The following GNAI1 variants were observed in gnomAD, a reference collection of about 807,000 sequenced individuals.
The protein encoded by GNAI1 is G protein subunit alpha i1.
GNAI1 carries 11 observed loss-of-function variants against 38.9 expected under a neutral mutation model. The observed-to-expected ratio is 0.28, with a 90% CI of 0.18 to 0.47. GNAI1 has a LOEUF of 0.47. Ranked by LOEUF, GNAI1 falls within the 20% of genes least tolerant of loss-of-function variation. The pLI, the probability that GNAI1 is intolerant of heterozygous loss-of-function variation, is 0.99. For missense variants in GNAI1, 317 were observed against 436.9 expected (o/e 0.73, Z 2.45); for synonymous variants, 166 against 145.1 (o/e 1.14, Z -1.04).
intron 3 of GNAI1, among the ~76,000 whole-genome samples, chr7:80,192,164 GTT>G: frequency 1.3e-5 from 2 of 152,084 alleles, no homozygotes; most frequent in Non-Finnish European, 2.9e-5. Context: ...TTACAGAACT[GTT>G]AAGATTTTTA....
intron 3 of GNAI1, among the ~76,000 whole-genome samples, chr7:80,191,263 C>T (rs575804749): frequency 2.1e-4 from 32 of 151,898 alleles, no homozygotes; most frequent in Non-Finnish European, 2.2e-4. Flanking sequence ...AATACAAAGA[C>T]GAATTAAACG....
At chr7:80,160,024 A>G (rs542750648) in intron 1 of GNAI1, among the ~76,000 whole-genome samples, 1 of 152,266 alleles carries the variant, frequency 6.6e-6, no homozygotes, top group East Asian at 1.9e-4. Flanking sequence ...TCAGTAAATA[A>G]AGGAATCCCT....
intron 1 of GNAI1, among the ~76,000 whole-genome samples, chr7:80,166,502 G>C (rs1161742807): frequency 6.6e-6 from 1 of 152,120 alleles, no homozygotes; most frequent in East Asian, 1.9e-4. Context: ...TCCTTTGCTT[G>C]AATATAAATG....
At chr7:80,208,443 A>G (rs987749045) in intron 5 of GNAI1, among the ~76,000 whole-genome samples, 3 of 152,144 alleles carry the variant, frequency 2.0e-5, no homozygotes, top group East Asian at 1.9e-4. Flanking sequence ...CTGAATTCCA[A>G]CAAACTTAAG....
chr7:80,202,415 C>T (rs577498188), intron 4 of GNAI1, among the ~76,000 whole-genome samples: 6 of 152,122 alleles, frequency 3.9e-5, no homozygotes, highest in African/African-American at 1.4e-4. Flanking sequence ...GCAAAGAAAT[C>T]TGTGAGTAAT....
chr7:80,217,498 T>C lies in GNAI1; in HGVS notation c.*5T>C. 6.4e-7 allele frequency: 1 copy of C among 1,565,854 alleles called. No individual in the cohort carries two copies. Among genetic ancestry groups the C allele is most frequent in the African/African-American group, 1.4e-5 (1 of 73,166 alleles). The stretch of plus-strand genomic sequence containing the variant: ...AAAGATTGTGGTCTCTTTTAAGTTT[T>C]GCAGTTCATGGTAAAATGCATTTTC... On this transcript the variant is annotated 3_prime_UTR_variant, in exon 8 of 8. Coordinates refer to ENST00000649796, the MANE Select transcript of GNAI1 (RefSeq NM_002069.6).
chr7:80,209,961 A>G (rs1323711361), intron 5 of GNAI1, among the ~76,000 whole-genome samples: 1 of 152,208 alleles, frequency 6.6e-6, no homozygotes, highest in African/African-American at 2.4e-5. Context: ...TTAAGTGATC[A>G]TAAAAGTAAC....
At chr7:80,176,681 A>G (rs1788186577) in intron 1 of GNAI1, among the ~76,000 whole-genome samples, 1 of 152,102 alleles carries the variant, frequency 6.6e-6, no homozygotes, top group Admixed American at 6.5e-5. Flanking sequence ...CACGCCTGTA[A>G]TGCCAGCACT....
chr7:80,200,472 T>C (rs187069912), intron 4 of GNAI1, among the ~76,000 whole-genome samples: 16 of 152,322 alleles, frequency 1.1e-4, no homozygotes, highest in South Asian at 2.1e-4. Flanking sequence ...AAAACCTATG[T>C]TGTGCATTTG....
At chr7:80,176,396 G>A (rs1788182505) in intron 1 of GNAI1, among the ~76,000 whole-genome samples, 1 of 152,218 alleles carries the variant, frequency 6.6e-6, no homozygotes, top group South Asian at 2.1e-4. Flanking sequence ...AGGTTATCCG[G>A]AAGATCTAGC....
chr7:80,224,228 G>C lies in GNAI1; in HGVS notation c.*6735G>C, dbSNP rs1425375068. ...CTACTGTGTGCTAGGTACTTTTCTG[G>C]GTACCTTACTAATGCTCTCATTTAG... On this transcript the variant is annotated 3_prime_UTR_variant, in exon 8 of 8. Coordinates refer to ENST00000649796, the MANE Select transcript of GNAI1 (RefSeq NM_002069.6). Among the ~76,000 whole-genome samples, 1 of 152,052 alleles carries C rather than the reference G, an allele frequency of 6.6e-6. No homozygotes were observed. The highest frequency in any genetic ancestry group is 1.5e-5 in the Non-Finnish European group (1 of 68,028).
chr7:80,201,440 G>T (rs1788685127), intron 4 of GNAI1, among the ~76,000 whole-genome samples: 1 of 152,150 alleles, frequency 6.6e-6, no homozygotes, highest in Non-Finnish European at 1.5e-5. Context: ...ACATAGGCCG[G>T]GCATTGGTGG....
intron 1 of GNAI1, among the ~76,000 whole-genome samples, chr7:80,155,208 C>T (rs1787797141): frequency 1.3e-5 from 2 of 152,062 alleles, no homozygotes; most frequent in Non-Finnish European, 2.9e-5. Context: ...TTTATAATCT[C>T]CTTACATGAA....
rs1427908419 is a variant in GNAI1, at chr7:80,191,187, G to A, written c.303+1956G>A. 2.0e-5 allele frequency among the ~76,000 whole-genome samples: 3 copies of A among 151,550 alleles called. No individual in the cohort carries two copies. The South Asian group carries it at 6.3e-4, about 32-fold the overall frequency. On this transcript the variant is annotated intron_variant, in intron 3 of 7. Transcript: ENST00000649796. ...CCATTGCTTCTCGTTGGTCTACTCCGTGTTTTGTGTTACCTATCTTTACGT... is the reference window on the plus strand; with the variant it reads ...CCATTGCTTCTCGTTGGTCTACTCCATGTTTTGTGTTACCTATCTTTACGT...
At chr7:80,150,034 C>T (rs1787696607) in intron 1 of GNAI1, among the ~76,000 whole-genome samples, 1 of 152,076 alleles carries the variant, frequency 6.6e-6, no homozygotes. Context: ...AATGAGATGC[C>T]ATCAGAACCG....
chr7:80,167,252 T>A (rs1788025154), intron 1 of GNAI1, among the ~76,000 whole-genome samples: 2 of 152,224 alleles, frequency 1.3e-5, no homozygotes, highest in African/African-American at 2.4e-5. Context: ...CAAGAAAGTT[T>A]TTCCTTGCAA....
intron 5 of GNAI1, among the ~76,000 whole-genome samples, chr7:80,208,637 G>A (rs1272973738): frequency 1.3e-5 from 2 of 152,144 alleles, no homozygotes; most frequent in Non-Finnish European, 2.9e-5. Flanking sequence ...TTATGACCAT[G>A]ACCATTCTCC....
At chr7:80,168,248 A>T (rs568036913) in intron 1 of GNAI1, among the ~76,000 whole-genome samples, 1 of 151,950 alleles carries the variant, frequency 6.6e-6, no homozygotes, top group Non-Finnish European at 1.5e-5. Flanking sequence ...TTACTCATTT[A>T]CTCGGTTTTT....
intron 1 of GNAI1, among the ~76,000 whole-genome samples, chr7:80,155,012 A>T (rs1223574691): frequency 6.6e-6 from 1 of 152,210 alleles, no homozygotes; most frequent in Non-Finnish European, 1.5e-5. Flanking sequence ...ATTCAGAAAA[A>T]AATAAAATAA....
Sources: allele counts gnomAD v4.1 joint callset (sites outside exome capture counted in the v4.1 genomes callset), GRCh38; gene constraint gnomAD v4.1.1; transcripts MANE v1.5; gene names NCBI Gene and HGNC (gene_info 2026-07-23, HGNC 2026-07-21).